The following RNF145 variants were observed in gnomAD, a reference collection of about 807,000 sequenced individuals.
RNF145 encodes the protein ring finger protein 145.
Under a neutral mutation model 57.3 loss-of-function variants are expected in RNF145, and 12 were observed. The ratio of observed to expected loss-of-function variants is 0.21; its 90% CI spans 0.13 to 0.34. The LOEUF (loss-of-function observed/expected upper bound fraction) is 0.34, where lower values mean the gene tolerates loss of function less well. Among genes scored for constraint, RNF145 ranks in the 10% least tolerant of loss-of-function variants. The pLI is 1.00. For synonymous variants in RNF145, 262 were observed against 288.3 expected (o/e 0.91, Z 0.92); for missense variants, 429 against 799.0 (o/e 0.54, Z 5.58).
At chr5:159,166,018 T>C (rs1784382942) in intron 8 of RNF145, among the ~76,000 whole-genome samples, 1 of 152,212 alleles carries the variant, frequency 6.6e-6, no homozygotes, top group Admixed American at 6.5e-5. Flanking sequence ...CCAAAGTGAC[T>C]ACACCACTTT....
chr5:159,171,914 C>T (rs893467984), intron 6 of RNF145, among the ~76,000 whole-genome samples: 9 of 151,866 alleles, frequency 5.9e-5, no homozygotes, highest in African/African-American at 2.2e-4. Context: ...TCTATCCTGG[C>T]GAGGCATAGA....
chr5:159,174,906 T>C (rs998016926), intron 5 of RNF145, among the ~76,000 whole-genome samples: 1 of 152,154 alleles, frequency 6.6e-6, no homozygotes, highest in African/African-American at 2.4e-5. Flanking sequence ...TCTAAGAGCA[T>C]AGGTGTAACC....
At chr5:159,169,546 T>C (rs1784482634) in intron 7 of RNF145, 133 bp downstream of exon 7, 7 of 644,932 alleles carry the variant, frequency 1.1e-5, no homozygotes, top group Non-Finnish European at 1.8e-5. Context: ...TTAACCCAAA[T>C]GTTGCAACCA....
chr5:159,170,854 G>C (rs74759606), intron 6 of RNF145, among the ~76,000 whole-genome samples: 3 of 152,298 alleles, frequency 2.0e-5, no homozygotes, highest in African/African-American at 7.2e-5. Context: ...GCCTCCCAAC[G>C]TATTGGGATT....
At chr5:159,161,911 G>T (rs544289245) in intron 9 of RNF145, among the ~76,000 whole-genome samples, 2 of 152,164 alleles carry the variant, frequency 1.3e-5, no homozygotes, top group South Asian at 2.1e-4. Flanking sequence ...TCAATTTTTT[G>T]ATTCATCTTT....
At chr5:159,197,134 G>A (rs1163872209) in intron 2 of RNF145, among the ~76,000 whole-genome samples, 1 of 152,158 alleles carries the variant, frequency 6.6e-6, no homozygotes, top group Non-Finnish European at 1.5e-5. Flanking sequence ...AATGAACATT[G>A]GAAGGGCTAT....
intron 1 of RNF145, chr5:159,207,720 C>G (rs1343406269): frequency 6.2e-7 from 1 of 1,613,000 alleles, no homozygotes; most frequent in Non-Finnish European, 8.5e-7. Context: ...TGGTCCTCCC[C>G]ACTCCCACTC....
chr5:159,196,911 G>A (rs988438189), intron 2 of RNF145, among the ~76,000 whole-genome samples: 17 of 151,662 alleles, frequency 1.1e-4, no homozygotes, highest in Non-Finnish European at 2.2e-4. Context: ...CCTATATATC[G>A]CATATAAAAT....
intron 8 of RNF145, among the ~76,000 whole-genome samples, chr5:159,167,138 CTTAACT>C (rs1417797337): frequency 4.6e-5 from 7 of 152,118 alleles, no homozygotes; most frequent in Middle Eastern, 3.2e-3. Flanking sequence ...GAATTTTTCT[CTTAACT>C]TTATTTCATT....
At chr5:159,197,942 T>C (rs748485012) in intron 2 of RNF145, among the ~76,000 whole-genome samples, 2 of 151,884 alleles carry the variant, frequency 1.3e-5, no homozygotes, top group Non-Finnish European at 2.9e-5. Flanking sequence ...CATGACCCTG[T>C]CTCTATAAAA....
chr5:159,164,057 A>T (rs1296607173), intron 8 of RNF145, among the ~76,000 whole-genome samples: 1 of 152,232 alleles, frequency 6.6e-6, no homozygotes, highest in Non-Finnish European at 1.5e-5. Flanking sequence ...AACATAAATC[A>T]TCTCTCCTAC....
chr5:159,161,144 A>AT (rs887831601), intron 10 of RNF145, 122 bp downstream of exon 10: 22 of 624,046 alleles, frequency 3.5e-5, no homozygotes, highest in South Asian at 7.5e-5. Flanking sequence ...TCTGAGGTCC[A>AT]TTTTTTTTAA....
chr5:159,175,813 T>C (rs575504376), intron 5 of RNF145, among the ~76,000 whole-genome samples: 1 of 152,318 alleles, frequency 6.6e-6, no homozygotes, highest in South Asian at 2.1e-4. Context: ...GTTTGTTCTA[T>C]CTGAGAGCTT....
chr5:159,189,896 G>A (rs968369863), intron 3 of RNF145, among the ~76,000 whole-genome samples: 2 of 152,236 alleles, frequency 1.3e-5, no homozygotes, highest in East Asian at 3.8e-4. Context: ...AGTTGCCAAG[G>A]GCTGGGGGCA....
At chr5:159,209,690 G>C (rs1278800146), upstream of RNF145, 2 of 955,380 alleles carry the variant, frequency 2.1e-6, no homozygotes, top group East Asian at 6.2e-5. Context: ...GTGCGTGGGC[G>C]GGAGACATAA....
At chr5:159,191,252 A>C (rs1785280714) in intron 3 of RNF145, among the ~76,000 whole-genome samples, 1 of 152,214 alleles carries the variant, frequency 6.6e-6, no homozygotes, top group Non-Finnish European at 1.5e-5. Context: ...AGGTAAGGAA[A>C]CAATTTGTAT....
chr5:159,209,558 G>A (rs1319059425), upstream of RNF145: 1 of 989,994 alleles, frequency 1.0e-6, no homozygotes, highest in Non-Finnish European at 1.2e-6. Flanking sequence ...CTCTGCGGCG[G>A]CCGCGGCCCG....
At chr5:159,187,340 T>G (rs1478797492) in intron 3 of RNF145, among the ~76,000 whole-genome samples, 1 of 151,676 alleles carries the variant, frequency 6.6e-6, no homozygotes, top group Admixed American at 6.6e-5. Flanking sequence ...GAAAAAAAAT[T>G]TTTTTTTGAG....
At chr5:159,185,158 C>T (rs368237095) in intron 3 of RNF145, among the ~76,000 whole-genome samples, 2 of 152,300 alleles carry the variant, frequency 1.3e-5, no homozygotes, top group East Asian at 3.9e-4. Context: ...TCTTTCAATA[C>T]AGTCCTCCAA....
Sources: gnomAD v4.1 joint callset for allele counts (sites outside exome capture counted in the v4.1 genomes callset) on GRCh38, gnomAD v4.1.1 for gene constraint, MANE v1.5 for transcripts, NCBI Gene and HGNC (gene_info 2026-07-23, HGNC 2026-07-21) for gene names.